NTRK3: variants seen among roughly 807,000 people sequenced by gnomAD.
The protein encoded by NTRK3 is neurotrophic receptor tyrosine kinase 3.
NTRK3 carries 24 observed loss-of-function variants against 91.7 expected under a neutral mutation model. The observed-to-expected ratio is 0.26, with a 90% CI of 0.19 to 0.37. The LOEUF (loss-of-function observed/expected upper bound fraction) is 0.37, where lower values mean the gene tolerates loss of function less well. NTRK3 is among the 10% of genes least tolerant of loss of function. NTRK3 has a pLI of 1.00. For synonymous variants in NTRK3, 483 were observed against 404.0 expected (o/e 1.20, Z -2.34); for missense variants, 880 against 1,068.9 (o/e 0.82, Z 2.46).
chr15:88,084,830 A>G (rs2048356741), intron 13 of NTRK3, among the ~76,000 whole-genome samples: 1 of 152,174 alleles, frequency 6.6e-6, no homozygotes, highest in Non-Finnish European at 1.5e-5. Context: ...AGCAGGACAC[A>G]CTGAGAGCCA....
At chr15:87,869,862 A>C (rs1315464978) in exon 19 of NTRK3, 1 of 192,804 alleles carries the variant, frequency 5.2e-6, no homozygotes, top group Non-Finnish European at 1.1e-5. Flanking sequence ...AATGTGTCCT[A>C]CCATTTAACA....
At chr15:88,188,893 A>C (rs1445247061) in intron 3 of NTRK3, among the ~76,000 whole-genome samples, 1 of 152,232 alleles carries the variant, frequency 6.6e-6, no homozygotes, top group African/African-American at 2.4e-5. Flanking sequence ...TGGATTTCTC[A>C]TGCCTCTTCA....
intron 16 of NTRK3, 135 bp from the exon 17 acceptor site, chr15:87,929,569 T>C: frequency 8.9e-7 from 1 of 1,122,638 alleles, no homozygotes; most frequent in Non-Finnish European, 1.2e-6. Context: ...GCCTATGGCT[T>C]ATTTTTATCT....
chr15:88,156,521 C>T (rs1283368767), intron 5 of NTRK3, among the ~76,000 whole-genome samples: 1 of 152,094 alleles, frequency 6.6e-6, no homozygotes, highest in South Asian at 2.1e-4. Context: ...AAAATGGCAT[C>T]GCCCTGTTGG....
chr15:88,045,801 T>C (rs1393399689), intron 13 of NTRK3, among the ~76,000 whole-genome samples: 1 of 152,234 alleles, frequency 6.6e-6, no homozygotes, highest in Non-Finnish European at 1.5e-5. Context: ...TGTAGCCTTC[T>C]CCGCTCATCG....
intron 17 of NTRK3, among the ~76,000 whole-genome samples, chr15:87,888,324 C>G (rs1439280837): frequency 6.6e-6 from 1 of 152,158 alleles, no homozygotes; most frequent in African/African-American, 2.4e-5. Context: ...ATGTCACTAT[C>G]TCCATAAAAT....
chr15:88,071,288 T>C (rs1338304175), intron 13 of NTRK3, among the ~76,000 whole-genome samples: 3 of 152,238 alleles, frequency 2.0e-5, no homozygotes, highest in Non-Finnish European at 2.9e-5. Context: ...GCAGCCTGGC[T>C]GGGAGGCCTC....
intron 14 of NTRK3, among the ~76,000 whole-genome samples, chr15:87,995,193 G>C (rs2075600799): frequency 6.6e-6 from 1 of 152,180 alleles, no homozygotes; most frequent in African/African-American, 2.4e-5. Context: ...CACCTGCTCA[G>C]GTAGACACAC....
intron 5 of NTRK3, among the ~76,000 whole-genome samples, chr15:88,182,065 CAG>C (rs1456180394): frequency 4.6e-5 from 7 of 152,172 alleles, no homozygotes; most frequent in African/African-American, 1.7e-4. Flanking sequence ...ACTCTCACCA[CAG>C]AGGCTACCCT....
At chr15:88,043,014 G>C (rs2079803731) in intron 13 of NTRK3, among the ~76,000 whole-genome samples, 1 of 152,194 alleles carries the variant, frequency 6.6e-6, no homozygotes, top group African/African-American at 2.4e-5. Context: ...AAATTCATTT[G>C]TAAGAGAACT....
intron 14 of NTRK3, among the ~76,000 whole-genome samples, chr15:88,010,465 C>T (rs56049773): frequency 0.25 from 37,822 of 151,942 alleles, 5,226 homozygotes; most frequent in South Asian, 0.4. Context: ...GTAAAATAAA[C>T]TGGTAGTTCT....
intron 7 of NTRK3, 133 bp from the exon 8 acceptor site, chr15:88,136,742 G>C (rs971657814): frequency 1.0e-5 from 11 of 1,094,102 alleles, no homozygotes; most frequent in Non-Finnish European, 6.5e-6. Flanking sequence ...TTGAGTTCTT[G>C]GAAGACCCGC....
At chr15:88,161,133 G>T (rs867615067) in intron 5 of NTRK3, among the ~76,000 whole-genome samples, 1 of 152,166 alleles carries the variant, frequency 6.6e-6, no homozygotes, top group African/African-American at 2.4e-5. Context: ...TAACAAACAT[G>T]GTGATTGCTC....
At chr15:88,131,381 T>A (rs1447489985) in intron 10 of NTRK3, among the ~76,000 whole-genome samples, 7 of 152,240 alleles carry the variant, frequency 4.6e-5, no homozygotes, top group Non-Finnish European at 8.8e-5. Context: ...ATGGAGTCCT[T>A]CAAAGAAAGC....
intron 14 of NTRK3, among the ~76,000 whole-genome samples, chr15:88,027,439 G>A (rs2078131426): frequency 6.6e-6 from 1 of 152,132 alleles, no homozygotes; most frequent in Non-Finnish European, 1.5e-5. Context: ...CTGCAGTGCA[G>A]TGGCGCAACC....
At chr15:88,189,569 C>T (rs185792539) in intron 3 of NTRK3, among the ~76,000 whole-genome samples, 78 of 152,104 alleles carry the variant, frequency 5.1e-4, no homozygotes, top group Non-Finnish European at 9.0e-4. Context: ...CTTAGCCTCC[C>T]GAGTAGCTGG....
chr15:88,056,903 G>T (rs554312523), intron 13 of NTRK3, among the ~76,000 whole-genome samples: 52 of 152,302 alleles, frequency 3.4e-4, no homozygotes, highest in African/African-American at 9.9e-4. Context: ...GGGCGCGGTG[G>T]CTCACGCCTG....
rs574617874 is a variant in NTRK3 at position 88,038,825 on chromosome 15, TGAGA to T, written c.1397-5784_1397-5781del. Among the ~76,000 whole-genome samples the T allele has an allele frequency of 2.5e-4, 38 of 151,908 alleles. No individual in the cohort carries two copies. In the South Asian group the frequency reaches 7.9e-3, roughly 32 times the overall value. ...GGAGCTGTGCCAGGTTGAGAACCAC[TGAGA>T]GAGACACCAACATGTTACTCCATGA... On this transcript the variant is annotated intron_variant, in intron 13 of 18. Coordinates refer to ENST00000394480, the Ensembl canonical transcript of NTRK3.
intron 6 of NTRK3, among the ~76,000 whole-genome samples, chr15:88,142,835 G>A (rs1283973831): frequency 6.6e-6 from 1 of 152,220 alleles, no homozygotes; most frequent in Non-Finnish European, 1.5e-5. Context: ...TGGAAATAGA[G>A]TCTTGGCAGA....
Sources: gnomAD v4.1 joint callset for allele counts (sites outside exome capture counted in the v4.1 genomes callset) on GRCh38, gnomAD v4.1.1 for gene constraint, MANE v1.5 for transcripts, NCBI Gene and HGNC (gene_info 2026-07-23, HGNC 2026-07-21) for gene names.